Variants in RTTN observed in about 807,000 individuals in gnomAD.
RTTN encodes rotatin.
In RTTN, 182 loss-of-function variants were observed where a neutral mutation model predicts 269.2. The ratio of observed to expected loss-of-function variants is 0.68; its 90% CI spans 0.60 to 0.76. RTTN has a LOEUF of 0.76. RTTN is among the 30% of genes least tolerant of loss of function. The probability of loss-of-function intolerance (pLI) is 0.00; values close to 1 mark genes in which losing one functional copy is unlikely to be tolerated. For missense variants in RTTN, 2,545 were observed against 2,608.6 expected, an observed-to-expected ratio of 0.98 and a Z score of 0.53; for synonymous variants, 1,006 against 963.5, an observed-to-expected ratio of 1.04 and a Z score of -0.82.
intron 32 of RTTN, among the ~76,000 whole-genome samples, chr18:70,085,934 T>C (rs1381813683): frequency 4.6e-5 from 7 of 152,136 alleles, no homozygotes; most frequent in Admixed American, 4.6e-4. Context: ...TTACGCAATA[T>C]ACTTATGTAA....
intron 24 of RTTN, 80 bp from the exon 25 acceptor site, chr18:70,127,821 TC>T (rs2059905352): frequency 7.8e-7 from 1 of 1,283,332 alleles, no homozygotes; most frequent in African/African-American, 1.5e-5. Context: ...TTATAAACTC[TC>T]CCAAAAGCTG....
At chr18:70,200,857 T>C (rs985679193) in intron 4 of RTTN, among the ~76,000 whole-genome samples, 2 of 152,222 alleles carry the variant, frequency 1.3e-5, no homozygotes, top group African/African-American at 4.8e-5. Context: ...ATAATACCAA[T>C]CTCAAAGACA....
At chr18:70,090,530 G>GT in intron 30 of RTTN, among the ~76,000 whole-genome samples, 1 of 152,200 alleles carries the variant, frequency 6.6e-6, no homozygotes, top group Non-Finnish European at 1.5e-5. Flanking sequence ...TGTAGGCATT[G>GT]TGAGGGAGGG....
At chr18:70,168,759 A>G in intron 12 of RTTN, 96 bp downstream of exon 12, 1 of 905,670 alleles carries the variant, frequency 1.1e-6, no homozygotes. Flanking sequence ...CCCACCTGTG[A>G]CAATTTAATT....
chr18:70,154,538 A>T (rs1186667102), intron 14 of RTTN, among the ~76,000 whole-genome samples: 1 of 152,112 alleles, frequency 6.6e-6, no homozygotes, highest in African/African-American at 2.4e-5. Context: ...CTGCCCTATA[A>T]CTGAGGACCC....
At chr18:70,058,362 C>T (rs2057878426) in intron 36 of RTTN, among the ~76,000 whole-genome samples, 1 of 151,892 alleles carries the variant, frequency 6.6e-6, no homozygotes, top group Non-Finnish European at 1.5e-5. Context: ...ACTAAAGGTA[C>T]CAAAAATTAG....
Position 70,107,475 on chromosome 18 carries a change from C to A in RTTN, c.3903+2023G>T, listed in dbSNP as rs111652277. Reference sequence around the variant, plus strand: ...GCTGTTCTCATAGAACTATGTACAACCATATCATTGTCGTATTTATTATAT... The same window carrying A: ...GCTGTTCTCATAGAACTATGTACAAACATATCATTGTCGTATTTATTATAT... On this transcript the variant is annotated intron_variant, in intron 28 of 48. Coordinates refer to ENST00000640769, the MANE Select transcript of RTTN (RefSeq NM_173630.4). Among the ~76,000 whole-genome samples, 778 of 152,264 alleles carry A rather than the reference C, an allele frequency of 5.1e-3. 6 individuals are homozygous for A. Among genetic ancestry groups the A allele is most frequent in the African/African-American group, 0.018 (738 of 41,556 alleles).
intron 27 of RTTN, 141 bp downstream of exon 27, chr18:70,114,304 G>T: frequency 1.2e-6 from 1 of 852,248 alleles, no homozygotes; most frequent in African/African-American, 1.7e-5. Context: ...AAAACAAACA[G>T]AACACTATAA....
At chr18:70,028,941 A>C (rs1036204352) in intron 42 of RTTN, 140 bp from the exon 43 acceptor site, 28 of 512,180 alleles carry the variant, frequency 5.5e-5, no homozygotes, top group Non-Finnish European at 9.0e-5. Context: ...CTTTGAGGGA[A>C]CTGACAGGCT....
intron 34 of RTTN, among the ~76,000 whole-genome samples, chr18:70,066,919 T>C (rs2058151614): frequency 6.6e-6 from 1 of 152,176 alleles, no homozygotes; most frequent in Admixed American, 6.6e-5. Context: ...ATACAGTTTT[T>C]TAAATCCCCC....
At chr18:70,107,273 T>C (rs184891028) in intron 28 of RTTN, among the ~76,000 whole-genome samples, 5 of 152,322 alleles carry the variant, frequency 3.3e-5, no homozygotes, top group African/African-American at 9.6e-5. Flanking sequence ...GACTTCCTAA[T>C]AGACTGTGAA....
At position 70,184,703 on chromosome 18, in the gene RTTN, G is replaced by GTTTTTTTTTTTTT. The variant is rs374636456; in HGVS notation, c.1305+3392_1305+3404dup. ...TCAATTCCATTCAAAACCACAGCAG[G>GTTTTTTTTTTTTT]TTTTTTTTTTTTTTGTGTGTGTGTG... On this transcript the variant is annotated intron_variant, in intron 10 of 48. Coordinates refer to ENST00000640769, the MANE Select transcript of RTTN (RefSeq NM_173630.4). Among the ~76,000 whole-genome samples the GTTTTTTTTTTTTT allele has an allele frequency of 3.4e-4, 9 of 26,376 alleles. 3 individuals are homozygous for GTTTTTTTTTTTTT. Among genetic ancestry groups the GTTTTTTTTTTTTT allele is most frequent in the Non-Finnish European group, 1.1e-3 (6 of 5,312 alleles). The allele number at this position is 26,376 out of a possible 152,430, so 17.3% of individuals were successfully genotyped here. A position where few individuals can be genotyped will look rare whatever the true frequency, so the allele number is the denominator to read the frequency against.
rs1349092201 is a variant in RTTN at position 70,017,536 on chromosome 18, G to A, written c.6292C>T (p.Leu2098Phe). The A allele has an allele frequency of 1.9e-6, 3 of 1,614,094 alleles. No individual in the cohort carries two copies. The highest frequency in any genetic ancestry group is 2.5e-6 in the Non-Finnish European group (3 of 1,179,988). Reference sequence around the variant, plus strand: ...GTTAGTAAGTCTAGACAGCCATCAAGCCTCAGAATCATTTGTTGCCCATCT... The same window carrying A: ...GTTAGTAAGTCTAGACAGCCATCAAACCTCAGAATCATTTGTTGCCCATCT... ...GEDGQQMILRLDGCLDLLTEM... is the reference protein window; with the variant it reads ...GEDGQQMILRFDGCLDLLTEM... Residue 2098 changes from leucine (L) to phenylalanine (F), a missense_variant, in exon 46 of 49, where the codon CTT (leucine) becomes TTT (phenylalanine). Leu to Phe is a conservative substitution (Grantham distance 22). Coordinates refer to ENST00000640769, the MANE Select transcript of RTTN (RefSeq NM_173630.4).
intron 44 of RTTN, among the ~76,000 whole-genome samples, chr18:70,022,202 A>G (rs990983698): frequency 2.6e-5 from 4 of 151,450 alleles, no homozygotes; most frequent in Non-Finnish European, 5.9e-5. Context: ...TTCTCACATC[A>G]CCTCTACTCC....
intron 34 of RTTN, among the ~76,000 whole-genome samples, chr18:70,067,982 TG>T (rs927293691): frequency 6.6e-6 from 1 of 152,228 alleles, no homozygotes; most frequent in African/African-American, 2.4e-5. Context: ...CCCATGTGGT[TG>T]GGGAAACACA....
intron 32 of RTTN, among the ~76,000 whole-genome samples, chr18:70,081,194 G>A (rs1009954791): frequency 6.6e-6 from 1 of 152,120 alleles, no homozygotes; most frequent in Non-Finnish European, 1.5e-5. Flanking sequence ...GAAGGGGTGA[G>A]GGATAAAAGA....
intron 22 of RTTN, among the ~76,000 whole-genome samples, chr18:70,134,969 A>G (rs2060088993): frequency 6.6e-6 from 1 of 152,188 alleles, no homozygotes; most frequent in Non-Finnish European, 1.5e-5. Context: ...TAAAGTTTAT[A>G]TTTAGTAATG....
intron 40 of RTTN, among the ~76,000 whole-genome samples, chr18:70,047,348 AAC>A (rs1304325997): frequency 4.6e-5 from 7 of 152,240 alleles, no homozygotes; most frequent in South Asian, 2.1e-4. Flanking sequence ...TAACTTAGTA[AAC>A]ACACAGTTTT....
intron 18 of RTTN, among the ~76,000 whole-genome samples, chr18:70,143,641 G>A (rs116418783): frequency 0.019 from 2,948 of 151,960 alleles, 95 homozygotes; most frequent in African/African-American, 0.066. Context: ...AATAACTATC[G>A]GGTACTAGGC....
Sources: gnomAD v4.1 joint callset for allele counts (sites outside exome capture counted in the v4.1 genomes callset) on GRCh38, gnomAD v4.1.1 for gene constraint, MANE v1.5 for transcripts, NCBI Gene and HGNC (gene_info 2026-07-23, HGNC 2026-07-21) for gene names.